TMEM120B: variants seen among roughly 807,000 people sequenced by gnomAD.
TMEM120B encodes the protein transmembrane protein 120B.
In TMEM120B, 31 loss-of-function variants were observed where a neutral mutation model predicts 55.5. The observed-to-expected ratio is 0.56, with a 90% CI of 0.42 to 0.75. TMEM120B has a LOEUF of 0.75. Ranked by LOEUF, TMEM120B falls within the 30% of genes least tolerant of loss-of-function variation. The probability of loss-of-function intolerance (pLI) is 0.00; values close to 1 mark genes in which losing one functional copy is unlikely to be tolerated. For missense variants in TMEM120B, 399 were observed against 425.5 expected (o/e 0.94, Z 0.55); for synonymous variants, 203 against 176.3 (o/e 1.15, Z -1.20).
intron 3 of TMEM120B, among the ~76,000 whole-genome samples, chr12:121,750,142 G>A (rs947112460): frequency 1.3e-5 from 2 of 151,906 alleles, no homozygotes; most frequent in African/African-American, 2.4e-5. Flanking sequence ...TTAGAAATAC[G>A]GTCTCTAGGG....
Position 121,770,948 on chromosome 12 carries a change from T to C in TMEM120B, c.593T>C (p.Phe198Ser). 6.2e-7 allele frequency: 1 copy of C among 1,614,006 alleles called. No homozygotes were observed. Among genetic ancestry groups the C allele is most frequent in the Non-Finnish European group, 8.5e-7 (1 of 1,179,972 alleles). The stretch of plus-strand genomic sequence containing the variant: ...GTGTCTCACCACTACGTCTCCACAT[T>C]CCTGTCCGGAGTGATGCTGACCTGG... The part of the protein sequence containing the change: ...WWVSHHYVST[F>S]LSGVMLTWPN... Residue 198 changes from phenylalanine to serine, a missense_variant, in exon 7 of 12, where the codon TTC (phenylalanine) becomes TCC (serine). By Grantham distance (155) the Phe-to-Ser change is radical (BLOSUM62 -2). Around this residue, in one of 3 missense-constraint regions of TMEM120B, gnomAD observed 260 missense variants for 303.9 expected, o/e 0.86. Transcript: ENST00000449592.
At chr12:121,718,653 GC>G (rs1192144129) in intron 1 of TMEM120B, among the ~76,000 whole-genome samples, 1 of 152,122 alleles carries the variant, frequency 6.6e-6, no homozygotes, top group Non-Finnish European at 1.5e-5. Context: ...AATACCGTGG[GC>G]TCCAAAAGTA....
At chr12:121,719,778 T>A (rs1413448595) in intron 1 of TMEM120B, among the ~76,000 whole-genome samples, 1 of 152,052 alleles carries the variant, frequency 6.6e-6, no homozygotes, top group Non-Finnish European at 1.5e-5. Context: ...CACTGCAACC[T>A]CTGCCTCTCG....
intron 5 of TMEM120B, among the ~76,000 whole-genome samples, chr12:121,752,440 C>T (rs981048997): frequency 3.3e-5 from 5 of 152,126 alleles, no homozygotes; most frequent in African/African-American, 1.2e-4. Context: ...CTGGAAAGGC[C>T]TTGTACTGTA....
intron 8 of TMEM120B, among the ~76,000 whole-genome samples, chr12:121,772,175 C>T: frequency 6.6e-6 from 1 of 150,676 alleles, no homozygotes; most frequent in East Asian, 2.0e-4. Context: ...GTTGCCCAGG[C>T]TGGAGTGCAG....
At chr12:121,770,039 G>C (rs1012971949) in intron 6 of TMEM120B, among the ~76,000 whole-genome samples, 2 of 152,132 alleles carry the variant, frequency 1.3e-5, no homozygotes, top group Non-Finnish European at 2.9e-5. Flanking sequence ...AGCCAGGCAC[G>C]TCAAGGTCTT....
Position 121,712,786 on chromosome 12 carries a change from C to G in TMEM120B, c.-110C>G. 1.4e-6 allele frequency: 1 copy of G among 707,014 alleles called. No homozygotes were observed. The highest frequency in any genetic ancestry group is 2.0e-6 in the Non-Finnish European group (1 of 506,822). 43.8% of individuals were successfully genotyped at this position (707,014 alleles called of 1,614,324 possible). A position where few individuals can be genotyped will look rare whatever the true frequency, so the allele number is the denominator to read the frequency against. ...CGTGGCTCTGGCTGCGCAGGAACAG[C>G]TGGTGCCTCCGAGGGCGGTCGGCGA... On this transcript the variant is annotated 5_prime_UTR_variant, in exon 1 of 12. Transcript: ENST00000449592.
chr12:121,712,993 T>G (rs1405550731), intron 1 of TMEM120B, 29 bp downstream of exon 1: 2 of 1,513,332 alleles, frequency 1.3e-6, no homozygotes, highest in African/African-American at 2.9e-5. Context: ...GTCCCGCAAC[T>G]CTGCTGCCCG....
At chr12:121,772,904 C>T (rs1874110739) in intron 8 of TMEM120B, among the ~76,000 whole-genome samples, 2 of 152,198 alleles carry the variant, frequency 1.3e-5, no homozygotes, top group Admixed American at 6.5e-5. Context: ...GTGTGTATTA[C>T]ATTATGTATC....
At chr12:121,761,613 G>A (rs763725635) in intron 5 of TMEM120B, 36 bp from the exon 6 acceptor site, 11 of 1,554,106 alleles carry the variant, frequency 7.1e-6, no homozygotes, top group African/African-American at 1.4e-5. Context: ...TGGTTCTCAC[G>A]CCCGCACCCC....
intron 1 of TMEM120B, among the ~76,000 whole-genome samples, chr12:121,737,182 A>C (rs143843547): frequency 2.8e-4 from 42 of 152,280 alleles, no homozygotes; most frequent in African/African-American, 9.9e-4. Context: ...TATGTGAGGC[A>C]TAATAAAGAA....
At chr12:121,740,398 C>T (rs996865024) in intron 1 of TMEM120B, among the ~76,000 whole-genome samples, 2 of 151,678 alleles carry the variant, frequency 1.3e-5, no homozygotes, top group Non-Finnish European at 2.9e-5. Context: ...GCAGGAGAAT[C>T]GCTTGAACCC....
chr12:121,769,744 A>G (rs940710671), intron 6 of TMEM120B, among the ~76,000 whole-genome samples: 4 of 72,296 alleles, frequency 5.5e-5, no homozygotes, highest in Non-Finnish European at 9.4e-5. Flanking sequence ...GTGTACATGC[A>G]TGCTTATTCA....
At chr12:121,736,073 G>A (rs370733919) in intron 1 of TMEM120B, among the ~76,000 whole-genome samples, 11 of 152,066 alleles carry the variant, frequency 7.2e-5, no homozygotes, top group African/African-American at 2.2e-4. Context: ...CAAACTTGCA[G>A]GGTGGTGAGT....
At chr12:121,772,747 C>A (rs1348444708) in intron 8 of TMEM120B, among the ~76,000 whole-genome samples, 1 of 152,182 alleles carries the variant, frequency 6.6e-6, no homozygotes, top group Non-Finnish European at 1.5e-5. Context: ...GATACTACAA[C>A]CTACATTTTA....
At chr12:121,767,824 G>A (rs1873898277) in intron 6 of TMEM120B, among the ~76,000 whole-genome samples, 1 of 152,184 alleles carries the variant, frequency 6.6e-6, no homozygotes, top group South Asian at 2.1e-4. Flanking sequence ...TGGGCTCTGG[G>A]CACGGCGAGC....
intron 5 of TMEM120B, among the ~76,000 whole-genome samples, chr12:121,761,089 C>T (rs916734494): frequency 7.2e-5 from 11 of 152,130 alleles, no homozygotes; most frequent in African/African-American, 2.7e-4. Flanking sequence ...AGCAATTCTC[C>T]TACCTCAGCC....
intron 1 of TMEM120B, among the ~76,000 whole-genome samples, chr12:121,721,440 A>G (rs915435955): frequency 2.6e-4 from 39 of 150,976 alleles, no homozygotes; most frequent in African/African-American, 8.8e-4. Flanking sequence ...CAGCCTCCCA[A>G]AGTGCTGAGA....
intron 1 of TMEM120B, 60 bp downstream of exon 1, chr12:121,713,024 C>T (rs1894628687): frequency 1.4e-6 from 2 of 1,388,956 alleles, no homozygotes; most frequent in African/African-American, 1.5e-5. Flanking sequence ...CCTTGCCCTT[C>T]CTGAGCCCCC....
Sources: gnomAD v4.1 joint callset for allele counts (sites outside exome capture counted in the v4.1 genomes callset) on GRCh38, gnomAD v4.1.1 for gene constraint, gnomAD v4.1.1 regional missense constraint, MANE v1.5 for transcripts, NCBI Gene and HGNC (gene_info 2026-07-23, HGNC 2026-07-21) for gene names.